The following ZGPAT variants were observed in gnomAD, a reference collection of about 807,000 sequenced individuals.
ZGPAT encodes the protein zinc finger CCCH-type and G-patch domain containing, also known as zinc finger CCCH-type with G patch domain-containing protein.
ZGPAT carries 39 observed loss-of-function variants against 47.9 expected under a neutral mutation model. The ratio of observed to expected loss-of-function variants is 0.81; its 90% CI spans 0.63 to 1.06. ZGPAT has a LOEUF of 1.06. Among genes scored for constraint, ZGPAT ranks in the 50% least tolerant of loss-of-function variants. ZGPAT has a pLI of 0.00. For missense variants in ZGPAT, 717 were observed against 681.4 expected (o/e 1.05, Z -0.58); for synonymous variants, 348 against 292.9 (o/e 1.19, Z -1.92).
At position 63,708,876 on chromosome 20, in the gene ZGPAT, C is replaced by G. The variant is rs951663826; in HGVS notation, c.296C>G (p.Ser99Cys). The change falls in exon 2 of 7, where the codon TCC (serine) becomes TGC (cysteine). Residue 99 changes from serine to cysteine, a missense_variant. Ser to Cys is a moderately radical substitution (Grantham distance 112). Coordinates refer to ENST00000355969, the MANE Select transcript of ZGPAT (RefSeq NM_181485.3). ...AVEAPAAARG[S>C]GSETVPKAEA... ...GAGGCACCAGCAGCGGCCCGTGGGT[C>G]CGGATCAGAGACCGTTCCTAAAGCA... is the stretch of plus-strand genomic sequence containing the variant. 6.2e-7 allele frequency: 1 copy of G among 1,610,864 alleles called. No homozygotes were observed. The highest frequency in any genetic ancestry group is 8.5e-7 in the Non-Finnish European group (1 of 1,178,738).
At chr20:63,732,411 T>TGTGTGTGGGTGAGGGCCTGTGTGTGC (rs1568799640) in intron 2 of ZGPAT, among the ~76,000 whole-genome samples, 2 of 30,956 alleles carry the variant, frequency 6.5e-5, no homozygotes, top group African/African-American at 1.3e-4. Flanking sequence ...TGTGTGTGCG[T>TGTGTGTGGGTGAGGGCCTGTGTGTGC]GTGTGTGGGT....
intron 2 of ZGPAT, among the ~76,000 whole-genome samples, chr20:63,714,150 G>C (rs141802891): frequency 5.1e-4 from 77 of 152,096 alleles, no homozygotes; most frequent in African/African-American, 1.8e-3. Flanking sequence ...AGCGGGCCGG[G>C]GGTGGTGGCT....
rs538873165 is a variant in ZGPAT at position 63,715,388 on chromosome 20, C to T, written c.584+6224C>T. Among the ~76,000 whole-genome samples, 685 of 151,802 alleles carry T rather than the reference C, an allele frequency of 4.5e-3. 2 individuals are homozygous for T. The highest frequency in any genetic ancestry group is 8.1e-3 in the South Asian group (39 of 4,786). ...CTGAGTAGCTGGGACTACAGGTGCC[C>T]GCCACTATGCCCAGCTAATTTTTTG... On this transcript the variant is annotated intron_variant, in intron 2 of 6. Coordinates refer to ENST00000355969, the MANE Select transcript of ZGPAT (RefSeq NM_181485.3).
At chr20:63,709,428 A>C (rs1356807934) in intron 2 of ZGPAT, among the ~76,000 whole-genome samples, 1 of 152,160 alleles carries the variant, frequency 6.6e-6, no homozygotes, top group Admixed American at 6.6e-5. Flanking sequence ...ACCTGAGGTC[A>C]GGAGTTCAAG....
At chr20:63,730,926 CT>C (rs1601341086) in intron 2 of ZGPAT, among the ~76,000 whole-genome samples, 1 of 13,530 alleles carries the variant, frequency 7.4e-5, no homozygotes, top group East Asian at 5.1e-4. Flanking sequence ...TCTTCATTCT[CT>C]CTCTCTCTCT....
chr20:63,725,948 G>C (rs1029020061), intron 2 of ZGPAT, among the ~76,000 whole-genome samples: 3 of 150,932 alleles, frequency 2.0e-5, no homozygotes, highest in African/African-American at 7.3e-5. Context: ...CAATTCTCCT[G>C]CCTCAGCCTC....
At chr20:63,725,641 T>G (rs1385122071) in intron 2 of ZGPAT, among the ~76,000 whole-genome samples, 1 of 152,044 alleles carries the variant, frequency 6.6e-6, no homozygotes, top group African/African-American at 2.4e-5. Flanking sequence ...AGATTAATGT[T>G]TTGTTTTGTT....
intron 2 of ZGPAT, among the ~76,000 whole-genome samples, chr20:63,725,227 G>A (rs911884389): frequency 2.2e-4 from 34 of 152,096 alleles, no homozygotes; most frequent in Non-Finnish European, 8.8e-5. Flanking sequence ...CTCGTGATCC[G>A]CCCGCCTTGG....
rs113932469 is a variant in ZGPAT at position 63,728,935 on chromosome 20, G to GT, written c.585-4283dup. 2.5e-3 allele frequency among the ~76,000 whole-genome samples: 378 copies of GT among 152,244 alleles called. 2 individuals are homozygous for GT. The highest frequency in any genetic ancestry group is 8.8e-3 in the African/African-American group (364 of 41,554). ...ATTTTTCAAGAAGAATCTCTTCTCA[G>GT]TGAGTTCTCAGCTTTGGTCAGTTTC... is the stretch of plus-strand genomic sequence containing the variant. On this transcript the variant is annotated intron_variant, in intron 2 of 6. Coordinates refer to ENST00000355969, the MANE Select transcript of ZGPAT (RefSeq NM_181485.3).
intron 2 of ZGPAT, among the ~76,000 whole-genome samples, chr20:63,732,468 T>A (rs761735549): frequency 1.4e-5 from 2 of 146,888 alleles, no homozygotes; most frequent in Non-Finnish European, 3.0e-5. Context: ...TGTGTGCGCA[T>A]GTGTGTGGGT....
In ZGPAT at chr20:63,712,806, G is replaced by A. The variant is rs547225416; in HGVS notation, c.584+3642G>A. 7.6e-4 allele frequency among the ~76,000 whole-genome samples: 115 copies of A among 152,278 alleles called. 1 individual carries two copies. The highest frequency in any genetic ancestry group is 2.2e-3 in the Admixed American group (34 of 15,286). ...AGCTACACGAGAGGGTGAGGCAGGA[G>A]AATCGCTTGAACCTGGGAGGAGGAG... On this transcript the variant is annotated intron_variant, in intron 2 of 6. Transcript: ENST00000355969.
chr20:63,715,868 C>G (rs1020013053), intron 2 of ZGPAT, among the ~76,000 whole-genome samples: 7 of 151,792 alleles, frequency 4.6e-5, no homozygotes, highest in African/African-American at 7.3e-5. Context: ...ATGGACTTTT[C>G]TTTTGTTGGA....
At chr20:63,712,678 T>C (rs1300731200) in intron 2 of ZGPAT, among the ~76,000 whole-genome samples, 1 of 152,124 alleles carries the variant, frequency 6.6e-6, no homozygotes, top group Non-Finnish European at 1.5e-5. Flanking sequence ...GGCATATCAC[T>C]TGAGGTCAGG....
intron 2 of ZGPAT, among the ~76,000 whole-genome samples, chr20:63,732,650 ATG>A (rs11472431): frequency 0.19 from 28,983 of 151,818 alleles, 3,736 homozygotes; most frequent in East Asian, 0.62. Context: ...ACATGTGTTA[ATG>A]TGTGTGTACA....
At chr20:63,718,833 G>A (rs1204765154) in intron 2 of ZGPAT, among the ~76,000 whole-genome samples, 3 of 151,958 alleles carry the variant, frequency 2.0e-5, no homozygotes, top group African/African-American at 2.4e-5. Flanking sequence ...TTGGGAGGCC[G>A]AGGTGGGCAG....
rs1351628979 is a variant in ZGPAT, at chr20:63,735,562, C to T, written c.1395C>T (p.Gly465=). ...SIQEALARNA[G]RHSVASAQLQ... ...AGGAGGCTCTCGCCCGCAACGCTGG[C>T]CGGTACGTGTGGGGCCCAGCTCAGG... The change falls in exon 6 of 7, where the codon GGC becomes GGT. Residue 465 remains glycine (G), a splice_region_variant and synonymous_variant. Coordinates refer to ENST00000355969, the MANE Select transcript of ZGPAT (RefSeq NM_181485.3). 2 of 1,513,830 alleles carry T rather than the reference C, an allele frequency of 1.3e-6. No homozygotes were observed. Among genetic ancestry groups the T allele is most frequent in the South Asian group, 1.3e-5 (1 of 75,014 alleles). 93.8% of individuals were successfully genotyped at this position (1,513,830 alleles called of 1,614,324 possible). A position where few individuals can be genotyped will look rare whatever the true frequency, so the allele number is the denominator to read the frequency against.
chr20:63,716,925 G>A (rs539122194), intron 2 of ZGPAT, among the ~76,000 whole-genome samples: 5 of 152,058 alleles, frequency 3.3e-5, no homozygotes, highest in South Asian at 4.2e-4. Context: ...GAGGTGATCC[G>A]CCCACCTTGG....
chr20:63,735,283 C>A lies in ZGPAT; in HGVS notation c.1116C>A (p.Thr372=). The A allele has an allele frequency of 6.2e-7, 1 of 1,605,876 alleles. No homozygotes were observed. Among genetic ancestry groups the A allele is most frequent in the Non-Finnish European group, 8.5e-7 (1 of 1,176,200 alleles). The change falls in exon 6 of 7, where the codon ACC becomes ACA. Residue 372 remains threonine (T), a synonymous_variant. Coordinates refer to ENST00000355969, the MANE Select transcript of ZGPAT (RefSeq NM_181485.3). ...AGACCAGGGTTGGCAAGGCTGGCAC[C>A]AACAAGCCCCCCAGGTGCCGGGGAA... The part of the protein sequence containing the change: ...QKQTRVGKAG[T]NKPPRCRGRG...
chr20:63,733,477 G>A lies in ZGPAT; in HGVS notation c.719-110G>A, dbSNP rs546842719. ...GACTCTGGCTCTGGGCCCGAAATGA[G>A]CACACCTACCCTCAGCCTCTGCCCT... On this transcript the variant is annotated intron_variant, in intron 3 of 6. Coordinates refer to ENST00000355969, the MANE Select transcript of ZGPAT (RefSeq NM_181485.3). The A allele has an allele frequency of 1.3e-5, 21 of 1,601,392 alleles. No homozygotes were observed. In the East Asian group the frequency reaches 4.2e-4, roughly 32 times the overall value.
Sources: gnomAD v4.1 joint callset for allele counts (sites outside exome capture counted in the v4.1 genomes callset) on GRCh38, gnomAD v4.1.1 for gene constraint, MANE v1.5 for transcripts, NCBI Gene and HGNC (gene_info 2026-07-23, HGNC 2026-07-21) for gene names.